The following ARG1 variants were observed in gnomAD, a reference collection of about 807,000 sequenced individuals.
The protein encoded by ARG1 is arginase-1.
Under a neutral mutation model 33.0 loss-of-function variants are expected in ARG1, and 20 were observed. The observed-to-expected ratio is 0.61, with a 90% CI of 0.43 to 0.88. ARG1 has a LOEUF of 0.88. ARG1 is among the 40% of genes least tolerant of loss of function. ARG1 has a pLI of 0.00. For missense variants in ARG1, 374 were observed against 384.7 expected (o/e 0.97, Z 0.23); for synonymous variants, 146 against 140.6 (o/e 1.04, Z -0.27).
intron 6 of ARG1, 21 bp from the exon 7 acceptor site, chr6:131,583,334 T>A: frequency 6.2e-7 from 1 of 1,614,114 alleles, no homozygotes; most frequent in East Asian, 2.2e-5. Flanking sequence ...TAAACTGAAA[T>A]CCTTTCCCAC....
chr6:131,573,512 T>C (rs1773474767), intron 1 of ARG1, among the ~76,000 whole-genome samples, 173 bp downstream of exon 1: 2 of 152,244 alleles, frequency 1.3e-5, no homozygotes, highest in African/African-American at 4.8e-5. Context: ...TATAGTCACA[T>C]ATCCACTTAC....
At position 131,582,641 on chromosome 6, in the gene ARG1, C is replaced by T. The variant is rs752966614; in HGVS notation, c.486C>T (p.Phe162=). 5.0e-6 allele frequency: 8 copies of T among 1,613,766 alleles called. No individual in the cohort carries two copies. In the South Asian group the frequency reaches 8.8e-5, roughly 18 times the overall value. ...TTTAGATTCCCGATGTGCCAGGATTCTCCTGGGTGACTCCCTGTATATCTG... is the reference window on the plus strand; with the variant it reads ...TTTAGATTCCCGATGTGCCAGGATTTTCCTGGGTGACTCCCTGTATATCTG... The part of the protein sequence containing the change: ...LKGKIPDVPG[F]SWVTPCISAK... The change falls in exon 5 of 8, where the codon TTC becomes TTT. Residue 162 remains phenylalanine (F), a synonymous_variant. Coordinates refer to ENST00000368087, the MANE Select transcript of ARG1 (RefSeq NM_000045.4).
At chr6:131,580,547 A>G (rs748407823) in intron 3 of ARG1, among the ~76,000 whole-genome samples, 19 of 152,170 alleles carry the variant, frequency 1.2e-4, no homozygotes, top group South Asian at 2.1e-4. Context: ...CAACCTAATA[A>G]ATCCTAACTT....
chr6:131,583,622 A>C (rs1020985965), intron 7 of ARG1, 120 bp from the exon 8 acceptor site: 3 of 1,516,334 alleles, frequency 2.0e-6, no homozygotes, highest in East Asian at 2.4e-5. Flanking sequence ...TGCAATAACT[A>C]AAGTGTTTTC....
intron 3 of ARG1, among the ~76,000 whole-genome samples, chr6:131,580,978 GA>G (rs1223378238): frequency 2.0e-5 from 3 of 151,734 alleles, no homozygotes; most frequent in Admixed American, 6.6e-5. Context: ...TGGATTTTGG[GA>G]AAAAAAATCA....
chr6:131,583,248 C>T (rs754507817), intron 6 of ARG1, 84 bp downstream of exon 6: 172 of 1,598,640 alleles, frequency 1.1e-4, no homozygotes, highest in Non-Finnish European at 1.4e-4. Flanking sequence ...AAAGTCTTTA[C>T]ATGAAATAAT....
intron 1 of ARG1, chr6:131,574,139 T>A (rs1327837133): frequency 2.2e-6 from 2 of 901,506 alleles, no homozygotes; most frequent in African/African-American, 1.6e-5. Flanking sequence ...TCAACACGCA[T>A]CTGTGCTTAA....
intron 3 of ARG1, 24 bp downstream of exon 3, chr6:131,579,309 T>C (rs749865319): frequency 3.1e-6 from 5 of 1,612,818 alleles, no homozygotes; most frequent in South Asian, 1.1e-5. Flanking sequence ...ACTGTGTCTA[T>C]GGGAATCTGG....
At chr6:131,575,941 C>T (rs1773591175) in intron 1 of ARG1, among the ~76,000 whole-genome samples, 1 of 152,162 alleles carries the variant, frequency 6.6e-6, no homozygotes, top group Admixed American at 6.5e-5. Context: ...TGCCTGCTTT[C>T]TCCCCAAGAG....
chr6:131,579,297 T>G lies in ARG1; in HGVS notation c.305+12T>G. 1 of 1,613,754 alleles carries G rather than the reference T, an allele frequency of 6.2e-7. No individual in the cohort carries two copies. On this transcript the variant is annotated intron_variant, in intron 3 of 7. Coordinates refer to ENST00000368087, the MANE Select transcript of ARG1 (RefSeq NM_000045.4). ...GGCGGAGACCACAGGTCTTGTTGAA[T>G]AACTGTGTCTATGGGAATCTGGCAC...
chr6:131,577,817 A>G (rs1773695177), intron 2 of ARG1, among the ~76,000 whole-genome samples: 1 of 151,318 alleles, frequency 6.6e-6, no homozygotes, highest in African/African-American at 2.4e-5. Flanking sequence ...AGGCAGGAGA[A>G]TGGCTTGAAC....
chr6:131,581,240 T>A lies in ARG1; in HGVS notation c.327T>A (p.Ser109=), dbSNP rs1365543098. The change falls in exon 4 of 8, where the codon TCT becomes TCA. Residue 109 remains serine, a synonymous_variant. Transcript: ENST00000368087. The stretch of plus-strand genomic sequence containing the variant: ...AAAGTTTGGCAATTGGAAGCATCTC[T>A]GGCCATGCCAGGGTCCACCCTGATC... ...GDHSLAIGSI[S]GHARVHPDLG... 3 of 1,613,934 alleles carry A rather than the reference T, an allele frequency of 1.9e-6. No individual in the cohort carries two copies. The Admixed American group carries it at 5.0e-5, about 27-fold the overall frequency.
intron 3 of ARG1, among the ~76,000 whole-genome samples, chr6:131,579,863 A>AGAG (rs1305866304): frequency 6.6e-6 from 1 of 151,868 alleles, no homozygotes; most frequent in Non-Finnish European, 1.5e-5. Flanking sequence ...TGTGTGAGAG[A>AGAG]GAGAGAGAGA....
intron 3 of ARG1, among the ~76,000 whole-genome samples, chr6:131,580,254 A>C (rs532523411): frequency 6.6e-6 from 1 of 152,174 alleles, no homozygotes; most frequent in African/African-American, 2.4e-5. Flanking sequence ...TCTGTATCAA[A>C]ACTGCAATTG....
At chr6:131,574,174 A>G (rs962945883) in intron 1 of ARG1, 56 of 1,273,980 alleles carry the variant, frequency 4.4e-5, no homozygotes, top group Non-Finnish European at 6.2e-5. Flanking sequence ...AAAGAACAAA[A>G]TCAAACAAGA....
chr6:131,577,672 T>G (rs571359935), intron 2 of ARG1, among the ~76,000 whole-genome samples: 16 of 151,224 alleles, frequency 1.1e-4, no homozygotes, highest in Non-Finnish European at 1.9e-4. Context: ...GAAGCCAAGG[T>G]GGGTGGACTG....
Position 131,584,202 on chromosome 6 carries a change from A to T in ARG1, c.*294A>T, listed in dbSNP as rs909797455. The stretch of plus-strand genomic sequence containing the variant: ...GCTGGCATTAAAAATAAGCACACTT[A>T]CATAAGCCCCCATACATAGAGTGGG... On this transcript the variant is annotated 3_prime_UTR_variant, in exon 8 of 8. Transcript: ENST00000368087. 1 of 387,540 alleles carries T rather than the reference A, an allele frequency of 2.6e-6. No individual in the cohort carries two copies. The highest frequency in any genetic ancestry group is 4.7e-6 in the Non-Finnish European group (1 of 210,896). 24.0% of individuals were successfully genotyped at this position (387,540 alleles called of 1,614,324 possible). A position where few individuals can be genotyped will look rare whatever the true frequency, so the allele number is the denominator to read the frequency against.
Position 131,581,261 on chromosome 6 carries a change from T to A in ARG1, c.348T>A (p.Pro116=), listed in dbSNP as rs1245522728. The part of the protein sequence containing the change: ...GSISGHARVH[P]DLGVIWVDAH... ...TCTCTGGCCATGCCAGGGTCCACCC[T>A]GATCTTGGAGTCATCTGGGTGGATG... Residue 116 remains proline, a synonymous_variant, in exon 4 of 8, where the codon CCT becomes CCA. Transcript: ENST00000368087. 1 of 1,613,940 alleles carries A rather than the reference T, an allele frequency of 6.2e-7. No homozygotes were observed. The highest frequency in any genetic ancestry group is 8.5e-7 in the Non-Finnish European group (1 of 1,179,826).
chr6:131,579,810 A>G (rs1773822973), intron 3 of ARG1: 2 of 162,442 alleles, frequency 1.2e-5, no homozygotes. Context: ...TTTTCCTTGT[A>G]CATGATGACT....
Sources: gnomAD v4.1 joint callset for allele counts (sites outside exome capture counted in the v4.1 genomes callset) on GRCh38, gnomAD v4.1.1 for gene constraint, MANE v1.5 for transcripts, NCBI Gene and HGNC (gene_info 2026-07-23, HGNC 2026-07-21) for gene names.